Variants in ATRIP observed in about 807,000 individuals in gnomAD.
ATRIP encodes the protein ATR interacting protein.
ATRIP carries 44 observed loss-of-function variants against 78.1 expected under a neutral mutation model. That is an observed-to-expected ratio of 0.56 (90% CI 0.44 to 0.72). ATRIP has a LOEUF of 0.72. Among genes scored for constraint, ATRIP ranks in the 30% least tolerant of loss-of-function variants. The pLI, the probability that ATRIP is intolerant of heterozygous loss-of-function variation, is 0.00. For synonymous variants in ATRIP, 388 were observed against 408.9 expected, an observed-to-expected ratio of 0.95 and a Z score of 0.62; for missense variants, 927 against 980.2, an observed-to-expected ratio of 0.95 and a Z score of 0.72.
chr3:48,457,481 T>C (rs1029328148), intron 5 of ATRIP, 65 bp downstream of exon 5: 1 of 1,256,306 alleles, frequency 8.0e-7, no homozygotes, highest in African/African-American at 1.6e-5. Context: ...AAAACAATTA[T>C]TATTTATTTT....
chr3:48,458,814 C>A (rs2040023266), intron 5 of ATRIP, among the ~76,000 whole-genome samples: 1 of 152,204 alleles, frequency 6.6e-6, no homozygotes, highest in Non-Finnish European at 1.5e-5. Flanking sequence ...CATAACACTT[C>A]TGAGAAACTG....
intron 4 of ATRIP, among the ~76,000 whole-genome samples, chr3:48,456,403 ACT>A (rs2039955486): frequency 1.3e-5 from 2 of 151,658 alleles, no homozygotes; most frequent in South Asian, 4.2e-4. Flanking sequence ...ACATGGTGAA[ACT>A]CTATCTCTAG....
chr3:48,454,870 C>CAT (rs2039916159), intron 4 of ATRIP, among the ~76,000 whole-genome samples: 3 of 144,910 alleles, frequency 2.1e-5, no homozygotes, highest in Non-Finnish European at 4.5e-5. Flanking sequence ...TTTTTTTTTT[C>CAT]TTTTTTTTTT....
At position 48,462,096 on chromosome 3, in the gene ATRIP, G is replaced by C. The variant is rs1024278180; in HGVS notation, c.1745+1297G>C. 2.0e-5 allele frequency among the ~76,000 whole-genome samples: 3 copies of C among 152,084 alleles called. No individual in the cohort carries two copies. In the South Asian group the frequency reaches 6.2e-4, roughly 32 times the overall value. ...TAATCTCAGCACTTTGGGAGGCCAA[G>C]GTGGGAGGATCACTTGAGCCCAGGA... On this transcript the variant is annotated intron_variant, in intron 8 of 12. Coordinates refer to ENST00000320211, the MANE Select transcript of ATRIP (RefSeq NM_130384.3).
At position 48,454,418 on chromosome 3, in the gene ATRIP, G is replaced by C; in HGVS notation, c.671G>C (p.Ser224Thr). The C allele has an allele frequency of 6.3e-7, 1 of 1,598,316 alleles. No homozygotes were observed. Among genetic ancestry groups the C allele is most frequent in the Non-Finnish European group, 8.6e-7 (1 of 1,165,992 alleles). ...GCTGCTCCCTCTGTTTCCCATGTCA[G>C]GTAATGATGGTGCTGGAGGGATAGT... ...KLAAPSVSHV[S>T]PRKNPSVVIK... Residue 224 changes from serine to threonine, a missense_variant and splice_region_variant, in exon 4 of 13, where the codon AGT (serine) becomes ACT (threonine). Transcript: ENST00000320211.
At position 48,447,257 on chromosome 3, in the gene ATRIP, A is replaced by G. The variant is rs2039703149; in HGVS notation, c.247+165A>G. ...CGGTTGTCTTCCAGAAGGTCCTTTG[A>G]TTTTAGGGGGAAATGCATTAGCCAG... On this transcript the variant is annotated intron_variant, in intron 1 of 12. Transcript: ENST00000320211. 2.4e-6 allele frequency: 3 copies of G among 1,266,276 alleles called. No individual in the cohort carries two copies. In the Admixed American group the frequency reaches 1.3e-4, roughly 53 times the overall value. The allele number at this position is 1,266,276 out of a possible 1,614,324, so 78.4% of individuals were successfully genotyped here. A position where few individuals can be genotyped will look rare whatever the true frequency, so the allele number is the denominator to read the frequency against.
At chr3:48,459,270 C>T (rs1263323087) in intron 5 of ATRIP, 89 bp from the exon 6 acceptor site, 24 of 1,064,858 alleles carry the variant, frequency 2.3e-5, no homozygotes, top group Non-Finnish European at 3.2e-5. Flanking sequence ...AGTAGAACAG[C>T]GTGTGTTTTA....
chr3:48,450,013 T>C, intron 1 of ATRIP, 24 bp from the exon 2 acceptor site: 1 of 1,578,876 alleles, frequency 6.3e-7, no homozygotes, highest in African/African-American at 1.4e-5. Context: ...GGTCCTGAAA[T>C]GTATATGGAA....
chr3:48,463,642 A>G (rs1195655233), intron 8 of ATRIP, 103 bp from the exon 9 acceptor site: 3 of 1,492,506 alleles, frequency 2.0e-6, no homozygotes, highest in East Asian at 4.7e-5. Flanking sequence ...TCACCTGTTC[A>G]TACTGACTTG....
At chr3:48,462,722 C>T (rs953222525) in intron 8 of ATRIP, among the ~76,000 whole-genome samples, 1 of 151,956 alleles carries the variant, frequency 6.6e-6, no homozygotes, top group Admixed American at 6.6e-5. Flanking sequence ...AAGTTCTTAA[C>T]GCTATCAAAA....
Position 48,467,320 on chromosome 3 carries a change from A to T in ATRIP, c.*1766A>T, listed in dbSNP as rs2040369201. The T allele has an allele frequency of 6.2e-7, 1 of 1,614,152 alleles. No homozygotes were observed. Among genetic ancestry groups the T allele is most frequent in the Non-Finnish European group, 8.5e-7 (1 of 1,180,042 alleles). On this transcript the variant is annotated 3_prime_UTR_variant, in exon 13 of 13. Coordinates refer to ENST00000320211, the MANE Select transcript of ATRIP (RefSeq NM_130384.3). Reference sequence around the variant, plus strand: ...GCCCTGCTGCGGTGGGTGGATGCTCACGCCAGGCCTTTCGGCACCATCAGG... The same window carrying T: ...GCCCTGCTGCGGTGGGTGGATGCTCTCGCCAGGCCTTTCGGCACCATCAGG...
chr3:48,467,287 G>T lies in ATRIP; in HGVS notation c.*1733G>T, dbSNP rs1052802319. On this transcript the variant is annotated 3_prime_UTR_variant, in exon 13 of 13. Coordinates refer to ENST00000320211, the MANE Select transcript of ATRIP (RefSeq NM_130384.3). ...GCCCTGCTCAGCATCTGTCAGTGGA[G>T]ACCACAGGCCCTGCTGCGGTGGGTG... 6.2e-7 allele frequency: 1 copy of T among 1,614,156 alleles called. No individual in the cohort carries two copies.
intron 10 of ATRIP, 79 bp from the exon 11 acceptor site, chr3:48,464,501 ACT>A (rs2040212431): frequency 2.8e-6 from 4 of 1,425,018 alleles, no homozygotes; most frequent in Non-Finnish European, 4.0e-6. Context: ...AAGCAAGTGA[ACT>A]CTTATAGAAG....
intron 10 of ATRIP, 136 bp from the exon 11 acceptor site, chr3:48,464,446 C>A: frequency 1.9e-6 from 2 of 1,034,306 alleles, no homozygotes; most frequent in Non-Finnish European, 2.9e-6. Flanking sequence ...TGGGAAGGTC[C>A]CACACCACTT....
rs948439253 is a variant in ATRIP, at chr3:48,467,198, C to T, written c.*1644C>T. ...CAAGGAAGAGCTATAGCCTAGGCAG[C>T]ATCTACACTCGCCTGTATGGGCAGT... On this transcript the variant is annotated 3_prime_UTR_variant, in exon 13 of 13. Transcript: ENST00000320211. 3 of 1,613,600 alleles carry T rather than the reference C, an allele frequency of 1.9e-6. No individual in the cohort carries two copies. Among genetic ancestry groups the T allele is most frequent in the African/African-American group, 2.7e-5 (2 of 74,794 alleles).
Position 48,460,593 on chromosome 3 carries a change from G to C in ATRIP, c.1539G>C (p.Leu513=). 1 of 1,614,184 alleles carries C rather than the reference G, an allele frequency of 6.2e-7. No homozygotes were observed. ...DSAAGEGNRS[L]VHRLSDGDMT... is the part of the protein sequence containing the mutation. The stretch of plus-strand genomic sequence containing the variant: ...CTGCTGGGGAAGGAAACAGGAGCCT[G>C]GTTCACAGGCTTAGTGATGGAGATA... Residue 513 remains leucine, a synonymous_variant, in exon 8 of 13, where the codon CTG becomes CTC. Transcript: ENST00000320211.
chr3:48,453,271 A>G (rs887225801), intron 3 of ATRIP, among the ~76,000 whole-genome samples: 1 of 152,164 alleles, frequency 6.6e-6, no homozygotes. Context: ...GCACCTCCTC[A>G]TGCTTCAATC....
In ATRIP at chr3:48,457,354, A is replaced by G. The variant is rs1209136717; in HGVS notation, c.767A>G (p.Asn256Ser). 1.9e-6 allele frequency: 3 copies of G among 1,605,840 alleles called. No homozygotes were observed. Among genetic ancestry groups the G allele is most frequent in the African/African-American group, 2.7e-5 (2 of 74,444 alleles). ...SFPTKESFSA[N>S]MSLPHPCQTE... is the part of the protein sequence containing the mutation. The stretch of plus-strand genomic sequence containing the variant: ...CCTACAAAGGAGTCTTTTAGTGCTA[A>G]CATGTCCCTTCCCCACCCCTGCCAG... The change falls in exon 5 of 13, where the codon AAC (asparagine) becomes AGC (serine). Residue 256 changes from asparagine (N) to serine (S), a missense_variant. Asn to Ser is a conservative substitution (Grantham distance 46). Transcript: ENST00000320211.
intron 8 of ATRIP, among the ~76,000 whole-genome samples, chr3:48,462,421 G>C (rs1195713066): frequency 6.6e-6 from 1 of 151,674 alleles, no homozygotes; most frequent in Non-Finnish European, 1.5e-5. Flanking sequence ...AGGTTCTTAG[G>C]GGCTGGGCAT....
Sources: allele counts gnomAD v4.1 joint callset (sites outside exome capture counted in the v4.1 genomes callset), GRCh38; gene constraint gnomAD v4.1.1; transcripts MANE v1.5; gene names NCBI Gene and HGNC (gene_info 2026-07-23, HGNC 2026-07-21).